ANO2: variants seen among roughly 807,000 people sequenced by gnomAD.
ANO2 encodes the protein anoctamin 2, also known as anoctamin-2.
ANO2 carries 101 observed loss-of-function variants against 124.2 expected under a neutral mutation model. The ratio of observed to expected loss-of-function variants is 0.81; its 90% CI spans 0.69 to 0.96. The LOEUF is 0.96. ANO2 is among the 40% of genes least tolerant of loss of function. ANO2 has a pLI of 0.00. For missense variants in ANO2, 1,293 were observed against 1,274.5 expected (o/e 1.01, Z -0.22); for synonymous variants, 486 against 482.5 (o/e 1.01, Z -0.09).
intron 3 of ANO2, among the ~76,000 whole-genome samples, chr12:5,890,231 C>T (rs1281472707): frequency 1.3e-5 from 2 of 152,116 alleles, no homozygotes; most frequent in Non-Finnish European, 2.9e-5. Flanking sequence ...GAGGTGCTTG[C>T]AGCCTCATTG....
chr12:5,594,757 G>A (rs1943577349), intron 20 of ANO2, among the ~76,000 whole-genome samples: 1 of 152,190 alleles, frequency 6.6e-6, no homozygotes, highest in African/African-American at 2.4e-5. Context: ...AGGGTCACTT[G>A]AGCCTGGGAG....
intron 7 of ANO2, among the ~76,000 whole-genome samples, chr12:5,809,026 G>A (rs753387890): frequency 2.2e-4 from 34 of 152,276 alleles, no homozygotes; most frequent in East Asian, 1.4e-3. Flanking sequence ...GTACTGCTGC[G>A]TCACCAAAGG....
chr12:5,921,025 A>C lies in ANO2; in HGVS notation c.534+15T>G. On this transcript the variant is annotated intron_variant, in intron 3 of 24. Transcript: ENST00000682330. ...CCATTCCATCTCCAAGTCCCTGGCC[A>C]CCCGCCTGACTCACCTCCAAGTCCT... is the stretch of plus-strand genomic sequence containing the variant. 6.3e-7 allele frequency: 1 copy of C among 1,595,164 alleles called. No individual in the cohort carries two copies. The highest frequency in any genetic ancestry group is 8.6e-7 in the Non-Finnish European group (1 of 1,166,994).
rs1951187988 is a variant in ANO2, at chr12:5,744,070, A to C, written c.1351+87T>G. On this transcript the variant is annotated intron_variant, in intron 12 of 24. Transcript: ENST00000682330. ...GGAAGAAAAAATGCGAAAGTAAGTAACCTGAAGGGGATGAGCTTTACAGCT... is the reference window on the plus strand; with the variant it reads ...GGAAGAAAAAATGCGAAAGTAAGTACCCTGAAGGGGATGAGCTTTACAGCT... The C allele has an allele frequency of 7.9e-6, 12 of 1,518,804 alleles. No homozygotes were observed. In the South Asian group the frequency reaches 1.2e-4, roughly 15 times the overall value. The allele number at this position is 1,518,804 out of a possible 1,614,324, so 94.1% of individuals were successfully genotyped here.
intron 16 of ANO2, among the ~76,000 whole-genome samples, chr12:5,624,227 A>T (rs1169399821): frequency 6.6e-6 from 1 of 152,106 alleles, no homozygotes; most frequent in African/African-American, 2.4e-5. Flanking sequence ...GGACCTAAAC[A>T]GGAAGGGAGC....
chr12:5,692,313 G>T (rs370516194), intron 14 of ANO2, among the ~76,000 whole-genome samples: 1 of 151,982 alleles, frequency 6.6e-6, no homozygotes, highest in African/African-American at 2.4e-5. Flanking sequence ...CTACGTTTTC[G>T]TCCTCCTCAT....
intron 4 of ANO2, among the ~76,000 whole-genome samples, chr12:5,852,516 T>C (rs975071787): frequency 3.9e-5 from 6 of 152,182 alleles, no homozygotes; most frequent in African/African-American, 7.2e-5. Context: ...ACAGAACCCA[T>C]AGACTTTATT....
At chr12:5,687,289 C>A (rs1040788457) in intron 14 of ANO2, among the ~76,000 whole-genome samples, 2 of 152,238 alleles carry the variant, frequency 1.3e-5, no homozygotes, top group Non-Finnish European at 2.9e-5. Context: ...CTGTTCACCA[C>A]CTCGTCCTGT....
chr12:5,689,375 T>C (rs984254243), intron 14 of ANO2, among the ~76,000 whole-genome samples: 1 of 149,596 alleles, frequency 6.7e-6, no homozygotes, highest in East Asian at 1.9e-4. Context: ...CAAGGAGAGA[T>C]GAGGTTGTTA....
chr12:5,611,023 T>A (rs1944523413), intron 19 of ANO2, among the ~76,000 whole-genome samples: 1 of 144,486 alleles, frequency 6.9e-6, no homozygotes, highest in Non-Finnish European at 1.5e-5. Flanking sequence ...CAGGCTGGAG[T>A]GCAGTGGCAT....
At chr12:5,634,202 A>G (rs1486003358) in intron 16 of ANO2, among the ~76,000 whole-genome samples, 1 of 152,208 alleles carries the variant, frequency 6.6e-6, no homozygotes, top group Non-Finnish European at 1.5e-5. Flanking sequence ...AAGTCAAAGC[A>G]AAGTGCTCAC....
intron 3 of ANO2, among the ~76,000 whole-genome samples, chr12:5,896,371 C>A (rs1411572713): frequency 6.6e-6 from 1 of 152,170 alleles, no homozygotes; most frequent in Non-Finnish European, 1.5e-5. Flanking sequence ...TAAACAAGTT[C>A]TCCAGATAAT....
chr12:5,770,738 A>T (rs1321130707), intron 10 of ANO2, among the ~76,000 whole-genome samples: 1 of 152,170 alleles, frequency 6.6e-6, no homozygotes, highest in Admixed American at 6.5e-5. Context: ...TTCTGACTTT[A>T]TATCACAGGT....
rs755451675 is a variant in ANO2 at position 5,615,171 on chromosome 12, C to T, written c.1928+15G>A. 3 of 1,605,490 alleles carry T rather than the reference C, an allele frequency of 1.9e-6. No individual in the cohort carries two copies. The highest frequency in any genetic ancestry group is 3.3e-4 in the Middle Eastern group (2 of 6,050). Reference sequence around the variant, plus strand: ...TGGCAAATTGCCTTTCTACACATGACACCATTATACTCACCTCCCTTTGAA... The same window carrying T: ...TGGCAAATTGCCTTTCTACACATGATACCATTATACTCACCTCCCTTTGAA... On this transcript the variant is annotated intron_variant, in intron 17 of 24. Coordinates refer to ENST00000682330, the MANE Select transcript of ANO2 (RefSeq NM_001364791.2).
At chr12:5,944,214 G>T (rs534748209) in intron 1 of ANO2, among the ~76,000 whole-genome samples, 3 of 152,320 alleles carry the variant, frequency 2.0e-5, no homozygotes, top group South Asian at 4.1e-4. Flanking sequence ...AAGGACAAAG[G>T]CTCGGCAGGT....
Position 5,565,673 on chromosome 12 carries a change from GA to G in ANO2, c.2622-11del. 1 of 1,575,740 alleles carries G rather than the reference GA, an allele frequency of 6.3e-7. No individual in the cohort carries two copies. The highest frequency in any genetic ancestry group is 8.6e-7 in the Non-Finnish European group (1 of 1,160,238). ...TCGGTAATCCTTAAACCTGCCCAAA[GA>G]GAAATGTGGTGTTAAGATCAGGAGC... On this transcript the variant is annotated splice_polypyrimidine_tract_variant and intron_variant, in intron 23 of 24. Coordinates refer to ENST00000682330, the MANE Select transcript of ANO2 (RefSeq NM_001364791.2).
intron 6 of ANO2, 67 bp from the exon 7 acceptor site, chr12:5,827,887 T>A: frequency 3.2e-6 from 5 of 1,541,216 alleles, no homozygotes; most frequent in Non-Finnish European, 4.4e-6. Context: ...TGTGTCACCC[T>A]CACCACTGCC....
chr12:5,847,587 G>A (rs545717014), intron 4 of ANO2, among the ~76,000 whole-genome samples: 5 of 152,194 alleles, frequency 3.3e-5, no homozygotes, highest in African/African-American at 7.2e-5. Flanking sequence ...CAGGCCGGGC[G>A]AGCACCATGA....
intron 10 of ANO2, among the ~76,000 whole-genome samples, chr12:5,766,569 G>A (rs1477988656): frequency 2.0e-5 from 3 of 152,208 alleles, no homozygotes; most frequent in African/African-American, 7.2e-5. Flanking sequence ...CATGGGGACT[G>A]GAGTTTCCTG....
Sources: allele counts gnomAD v4.1 joint callset (sites outside exome capture counted in the v4.1 genomes callset), GRCh38; gene constraint gnomAD v4.1.1; transcripts MANE v1.5; gene names NCBI Gene and HGNC (gene_info 2026-07-23, HGNC 2026-07-21).